IL1RAPL2: variants seen among roughly 807,000 people sequenced by gnomAD.
IL1RAPL2 encodes interleukin 1 receptor accessory protein like 2.
A neutral mutation model predicts 44.1 loss-of-function variants in IL1RAPL2; 3 were observed. The ratio of observed to expected loss-of-function variants is 0.07; its 90% CI spans 0.03 to 0.18. IL1RAPL2 has a LOEUF of 0.18. IL1RAPL2 is among the 10% of genes least tolerant of loss of function. The pLI is 1.00. For synonymous variants in IL1RAPL2, 181 were observed against 178.8 expected (o/e 1.01, Z -0.10); for missense variants, 391 against 496.4 (o/e 0.79, Z 2.02).
At chrX:105,661,638 A>T (rs914726117) in intron 6 of IL1RAPL2, among the ~76,000 whole-genome samples, 10 of 112,117 alleles carry the variant, frequency 8.9e-5, no homozygotes, top group African/African-American at 3.2e-4. Context: ...GGAACTATAA[A>T]AATACATGGA....
chrX:105,136,742 G>A (rs944969481), intron 2 of IL1RAPL2, among the ~76,000 whole-genome samples: 7 of 112,053 alleles, frequency 6.2e-5, no homozygotes, highest in African/African-American at 2.3e-4. Context: ...CTGACTTTGT[G>A]TACTGCATAG....
At chrX:105,199,679 A>G (rs2033700436) in intron 3 of IL1RAPL2, among the ~76,000 whole-genome samples, 1 of 111,833 alleles carries the variant, frequency 8.9e-6, no homozygotes, top group African/African-American at 3.2e-5. Context: ...CATATGAGTC[A>G]GAGGTTCTCA....
intron 5 of IL1RAPL2, among the ~76,000 whole-genome samples, chrX:105,478,491 TG>T (rs972779378): frequency 6.3e-5 from 7 of 111,367 alleles, no homozygotes; most frequent in Non-Finnish European, 1.1e-4. Flanking sequence ...TTTTGAATCT[TG>T]ATCAAAGTGA....
chrX:104,885,563 A>G, intron 2 of IL1RAPL2, among the ~76,000 whole-genome samples: 1 of 111,937 alleles, frequency 8.9e-6, no homozygotes, highest in Non-Finnish European at 1.9e-5. Context: ...GAAAGCTCCA[A>G]AAGCAAGCCC....
chrX:104,687,752 C>G (rs185428629), intron 2 of IL1RAPL2, among the ~76,000 whole-genome samples: 20 of 111,083 alleles, frequency 1.8e-4, no homozygotes, highest in Middle Eastern at 9.3e-3. Context: ...AATCTTAAAA[C>G]AACTTATAAG....
intron 6 of IL1RAPL2, among the ~76,000 whole-genome samples, chrX:105,650,877 G>T (rs1324195386): frequency 8.9e-6 from 1 of 112,064 alleles, no homozygotes; most frequent in Non-Finnish European, 1.9e-5. Flanking sequence ...AGAAAAAAAG[G>T]TTGATTTTTG....
At chrX:105,510,893 C>G (rs2036464951) in intron 6 of IL1RAPL2, among the ~76,000 whole-genome samples, 1 of 111,936 alleles carries the variant, frequency 8.9e-6, no homozygotes, top group South Asian at 3.7e-4. Context: ...AAACAATAAA[C>G]TTGTGTTGTT....
intron 2 of IL1RAPL2, among the ~76,000 whole-genome samples, chrX:104,975,839 C>G (rs902387771): frequency 9.0e-6 from 1 of 111,133 alleles, no homozygotes; most frequent in Non-Finnish European, 1.9e-5. Context: ...GCCTGATGAC[C>G]TTGGGGTGAG....
chrX:104,984,375 T>C (rs2030521565), intron 2 of IL1RAPL2, among the ~76,000 whole-genome samples: 1 of 112,037 alleles, frequency 8.9e-6, no homozygotes, highest in South Asian at 3.7e-4. Context: ...TTTTTTCTCA[T>C]CTGTCCTTAT....
chrX:104,572,162 C>T (rs1928160634), intron 1 of IL1RAPL2, among the ~76,000 whole-genome samples: 1 of 111,637 alleles, frequency 9.0e-6, no homozygotes, highest in South Asian at 3.8e-4. Flanking sequence ...GGTGGTCTGT[C>T]CAAATTGGGA....
intron 2 of IL1RAPL2, among the ~76,000 whole-genome samples, chrX:104,792,824 GA>G (rs775209435): frequency 1.6e-3 from 173 of 110,939 alleles, no homozygotes; most frequent in African/African-American, 4.4e-3. Flanking sequence ...AAAGAGAAAG[GA>G]AAAAAAATTC....
intron 5 of IL1RAPL2, among the ~76,000 whole-genome samples, chrX:105,424,267 G>A (rs147963004): frequency 0.031 from 3,431 of 111,885 alleles, 139 homozygotes; most frequent in African/African-American, 0.1. Context: ...ACATATGTAA[G>A]ATGAAAATTG....
At chrX:105,470,214 A>T (rs1228303499) in intron 5 of IL1RAPL2, among the ~76,000 whole-genome samples, 1 of 111,869 alleles carries the variant, frequency 8.9e-6, no homozygotes, top group Non-Finnish European at 1.9e-5. Context: ...TAAAAACCTC[A>T]TAGGGCTTTT....
At chrX:105,051,286 G>C (rs2147527364) in intron 2 of IL1RAPL2, among the ~76,000 whole-genome samples, 1 of 68,022 alleles carries the variant, frequency 1.5e-5, no homozygotes, top group East Asian at 4.9e-4. Context: ...AGCCTGCAGG[G>C]ACTGGGGGGT....
At chrX:104,798,620 C>T (rs985789999) in intron 2 of IL1RAPL2, among the ~76,000 whole-genome samples, 3 of 111,382 alleles carry the variant, frequency 2.7e-5, no homozygotes, top group African/African-American at 6.5e-5. Flanking sequence ...GAGCCGAGAT[C>T]GTGCCACTGC....
At chrX:104,632,989 G>C (rs1022799068) in intron 1 of IL1RAPL2, among the ~76,000 whole-genome samples, 1 of 111,421 alleles carries the variant, frequency 9.0e-6, no homozygotes, top group Non-Finnish European at 1.9e-5. Flanking sequence ...GTCATAGATA[G>C]TTCTTATTAT....
chrX:104,983,238 T>G (rs1209900826), intron 2 of IL1RAPL2, among the ~76,000 whole-genome samples: 1 of 108,017 alleles, frequency 9.3e-6, no homozygotes, highest in Non-Finnish European at 1.9e-5. Flanking sequence ...CAGTAACCAC[T>G]GTTGAATGAG....
At chrX:104,976,609 C>T (rs2030339599) in intron 2 of IL1RAPL2, among the ~76,000 whole-genome samples, 1 of 111,532 alleles carries the variant, frequency 9.0e-6, no homozygotes, top group Non-Finnish European at 1.9e-5. Flanking sequence ...AATGCCAATG[C>T]CAAAACCCTG....
chrX:105,603,010 T>C (rs2147823328), intron 6 of IL1RAPL2, among the ~76,000 whole-genome samples: 1 of 109,305 alleles, frequency 9.1e-6, no homozygotes, highest in Non-Finnish European at 1.9e-5. Context: ...TACAACTCAC[T>C]GATAGAGCAG....
Sources: gnomAD v4.1 joint callset for allele counts (sites outside exome capture counted in the v4.1 genomes callset) on GRCh38, gnomAD v4.1.1 for gene constraint, MANE v1.5 for transcripts, NCBI Gene and HGNC (gene_info 2026-07-23, HGNC 2026-07-21) for gene names.